The following STK3 variants were observed in gnomAD, a reference collection of about 807,000 sequenced individuals.
The protein encoded by STK3 is serine/threonine kinase 3.
In STK3, 41 loss-of-function variants were observed where a neutral mutation model predicts 58.0. The ratio of observed to expected loss-of-function variants is 0.71; its 90% CI spans 0.55 to 0.92. The LOEUF (loss-of-function observed/expected upper bound fraction) is 0.92. Among genes scored for constraint, STK3 ranks in the 40% least tolerant of loss-of-function variants. STK3 has a pLI of 0.00. For synonymous variants in STK3, 170 were observed against 191.0 expected, an observed-to-expected ratio of 0.89 and a Z score of 0.91; for missense variants, 479 against 602.7, an observed-to-expected ratio of 0.79 and a Z score of 2.15.
chr8:98,939,821 G>A (rs1280417597), intron 1 of STK3, among the ~76,000 whole-genome samples: 2 of 152,214 alleles, frequency 1.3e-5, no homozygotes. Context: ...ACGACAGCCG[G>A]GCCAGTCCCG....
At chr8:98,529,874 T>G (rs1265980647) in intron 9 of STK3, among the ~76,000 whole-genome samples, 1 of 151,466 alleles carries the variant, frequency 6.6e-6, no homozygotes, top group Non-Finnish European at 1.5e-5. Flanking sequence ...CTAAGAGGAG[T>G]GGGAAATGGG....
chr8:98,754,716 AC>A (rs1357132040), intron 3 of STK3, among the ~76,000 whole-genome samples: 1 of 151,848 alleles, frequency 6.6e-6, no homozygotes, highest in Non-Finnish European at 1.5e-5. Context: ...TGCCATGTTG[AC>A]CAGGCTTGTC....
At chr8:98,833,292 TAA>T (rs1276921105) in intron 3 of STK3, among the ~76,000 whole-genome samples, 15 of 152,208 alleles carry the variant, frequency 9.9e-5, no homozygotes, top group Admixed American at 7.2e-4. Flanking sequence ...AAGTTTTGCC[TAA>T]AGAGTTCAAA....
chr8:98,844,808 T>C (rs1732835151), intron 3 of STK3, among the ~76,000 whole-genome samples: 1 of 152,192 alleles, frequency 6.6e-6, no homozygotes, highest in South Asian at 2.1e-4. Context: ...GCTAGCATGA[T>C]CAGATGGTTA....
At chr8:98,712,307 T>C (rs1008120030) in intron 4 of STK3, among the ~76,000 whole-genome samples, 1 of 152,168 alleles carries the variant, frequency 6.6e-6, no homozygotes, top group Non-Finnish European at 1.5e-5. Flanking sequence ...GTAAATGGAC[T>C]AAATGCTCCA....
At chr8:98,927,789 A>ATT (rs1251000265) in intron 1 of STK3, among the ~76,000 whole-genome samples, 2 of 152,224 alleles carry the variant, frequency 1.3e-5, no homozygotes, top group African/African-American at 2.4e-5. Context: ...AGCTGGAACT[A>ATT]TAAGTGTCCA....
intron 3 of STK3, among the ~76,000 whole-genome samples, chr8:98,750,780 C>T (rs750280503): frequency 6.6e-6 from 1 of 152,126 alleles, no homozygotes; most frequent in Non-Finnish European, 1.5e-5. Context: ...GATACCAAAA[C>T]CTGGCAGAGA....
intron 6 of STK3, among the ~76,000 whole-genome samples, chr8:98,676,357 GCTCAC>G (rs2130869847): frequency 6.6e-6 from 1 of 152,240 alleles, no homozygotes; most frequent in Admixed American, 6.5e-5. Context: ...GGGCGCGGTG[GCTCAC>G]GCCTGTAGTC....
At chr8:98,712,044 G>A (rs910896645) in intron 4 of STK3, among the ~76,000 whole-genome samples, 2 of 152,132 alleles carry the variant, frequency 1.3e-5, no homozygotes, top group African/African-American at 4.8e-5. Context: ...AGCTTCATAA[G>A]TGAAGGAGAA....
At chr8:98,353,459 C>T in the STK3 span, among the ~76,000 whole-genome samples, 1 of 152,090 alleles carries the variant, frequency 6.6e-6, no homozygotes, top group East Asian at 1.9e-4. Context: ...CCACTGCACT[C>T]CAGCCTGGGT....
rs1455543619 is a variant in STK3, at chr8:98,506,419, A to T, written c.1317+20323T>A. The stretch of plus-strand genomic sequence containing the variant: ...CGTGGGCTGCACCCACTGTCCAACC[A>T]GTCCCAGTGAGATGAACCAGGTACC... On this transcript the variant is annotated intron_variant, in intron 10 of 10. Coordinates refer to ENST00000419617, the MANE Select transcript of STK3 (RefSeq NM_006281.4). Among the ~76,000 whole-genome samples, 6 of 152,182 alleles carry T rather than the reference A, an allele frequency of 3.9e-5. No homozygotes were observed. The East Asian group carries it at 1.2e-3, about 29-fold the overall frequency.
intron 8 of STK3, among the ~76,000 whole-genome samples, chr8:98,574,741 A>G (rs1338481642): frequency 6.6e-6 from 1 of 152,198 alleles, no homozygotes; most frequent in Admixed American, 6.5e-5. Context: ...TGAGAAAACT[A>G]TCTAGCTCAA....
chr8:98,685,047 T>C (rs1823892174), intron 6 of STK3, among the ~76,000 whole-genome samples: 2 of 152,186 alleles, frequency 1.3e-5, no homozygotes, highest in Non-Finnish European at 2.9e-5. Flanking sequence ...ATTTTAAAAG[T>C]CTGAAATGTA....
intron 8 of STK3, among the ~76,000 whole-genome samples, chr8:98,550,028 G>A (rs981022386): frequency 2.6e-5 from 4 of 152,070 alleles, no homozygotes; most frequent in South Asian, 2.1e-4. Flanking sequence ...AAGGACCAAA[G>A]AATCTGCTAT....
At chr8:98,762,779 C>A (rs921472350) in intron 3 of STK3, among the ~76,000 whole-genome samples, 1 of 152,178 alleles carries the variant, frequency 6.6e-6, no homozygotes, top group Non-Finnish European at 1.5e-5. Flanking sequence ...GTACATATTA[C>A]CTGCCACATA....
chr8:98,883,237 G>C (rs367720396), downstream of STK3: 59 of 160,010 alleles, frequency 3.7e-4, no homozygotes, highest in Middle Eastern at 3.1e-3. Context: ...CACAGCTAAG[G>C]GGGAGAGGGG....
At chr8:98,409,735 C>G (rs916387511) in intron 3 of STK3, among the ~76,000 whole-genome samples, 1 of 152,220 alleles carries the variant, frequency 6.6e-6, no homozygotes, top group Non-Finnish European at 1.5e-5. Flanking sequence ...ATCAGCCTGG[C>G]TCTGGGGGCT....
intron 1 of STK3, among the ~76,000 whole-genome samples, chr8:98,797,138 G>T (rs984046833): frequency 2.6e-5 from 4 of 152,170 alleles, no homozygotes; most frequent in Admixed American, 2.6e-4. Context: ...TTGAAACTCT[G>T]TTGTTTACAG....
At chr8:98,598,345 A>G (rs1816009154) in intron 6 of STK3, 1 of 985,272 alleles carries the variant, frequency 1.0e-6, no homozygotes, top group Non-Finnish European at 1.2e-6. Context: ...CAGTACTCTC[A>G]TAAAGTGAAC....
Sources: gnomAD v4.1 joint callset for allele counts (sites outside exome capture counted in the v4.1 genomes callset) on GRCh38, gnomAD v4.1.1 for gene constraint, MANE v1.5 for transcripts, NCBI Gene and HGNC (gene_info 2026-07-23, HGNC 2026-07-21) for gene names.